Variants in HRH2 observed in about 807,000 individuals in gnomAD.
HRH2 encodes histamine H2 receptor.
A neutral mutation model predicts 20.1 loss-of-function variants in HRH2; 4 were observed. The ratio of observed to expected loss-of-function variants is 0.20; its 90% CI spans 0.10 to 0.45. The LOEUF is 0.45. Ranked by LOEUF, HRH2 falls within the 20% of genes least tolerant of loss-of-function variation. The probability of loss-of-function intolerance (pLI) is 0.99; values close to 1 mark genes in which losing one functional copy is unlikely to be tolerated. For missense variants in HRH2, 250 were observed against 461.6 expected (o/e 0.54, Z 4.20); for synonymous variants, 197 against 200.7 (o/e 0.98, Z 0.16).
At chr5:175,685,576 G>A (rs1162930570) in intron 2 of HRH2, 1 of 1,131,970 alleles carries the variant, frequency 8.8e-7, no homozygotes, top group Non-Finnish European at 1.3e-6. Context: ...TGGTGATGAA[G>A]TTACAGAAAA....
intron 1 of HRH2, among the ~76,000 whole-genome samples, chr5:175,668,944 A>G (rs1458275843): frequency 3.3e-5 from 5 of 152,218 alleles, no homozygotes; most frequent in Non-Finnish European, 7.3e-5. Flanking sequence ...ATGTCCACAA[A>G]GAATCAATCG....
In HRH2 at chr5:175,687,696, C is replaced by T. The variant is rs1328169808; in HGVS notation, c.1076+3387C>T. ...ACCCCTACTGTCCACCCCTCATCAC[C>T]TCTCCCCTGCCTCCTCTCAGATACC... On this transcript the variant is annotated intron_variant, in intron 2 of 2. Coordinates refer to ENST00000636584, the MANE Select transcript of HRH2 (RefSeq NM_001367711.1). The surrounding 1 kb of genome is among the most constrained non-coding windows in gnomAD (Gnocchi z 5.2). Among the ~76,000 whole-genome samples the T allele has an allele frequency of 6.6e-6, 1 of 152,110 alleles. No individual in the cohort carries two copies. Among genetic ancestry groups the T allele is most frequent in the Non-Finnish European group, 1.5e-5 (1 of 68,006 alleles).
chr5:175,700,703 G>T (rs79076087), intron 2 of HRH2, among the ~76,000 whole-genome samples: 1 of 152,114 alleles, frequency 6.6e-6, no homozygotes, highest in African/African-American at 2.4e-5. Flanking sequence ...GACCAACATG[G>T]TGAAACCACG....
chr5:175,702,980 T>C (rs572277735), intron 2 of HRH2, among the ~76,000 whole-genome samples: 1 of 152,294 alleles, frequency 6.6e-6, no homozygotes, highest in South Asian at 2.1e-4. Context: ...TTCAAAAATA[T>C]GTAAAGTTGA....
intron 1 of HRH2, among the ~76,000 whole-genome samples, chr5:175,660,233 A>C (rs1194748727): frequency 6.6e-6 from 1 of 152,238 alleles, no homozygotes; most frequent in Non-Finnish European, 1.5e-5. Flanking sequence ...GTGTCCCAGC[A>C]GGCTAGAGAG....
At chr5:175,698,045 C>G (rs891568237) in intron 2 of HRH2, among the ~76,000 whole-genome samples, 2 of 152,266 alleles carry the variant, frequency 1.3e-5, no homozygotes, top group African/African-American at 4.8e-5. Flanking sequence ...CATGCACACT[C>G]AGGCACTGGA....
intron 2 of HRH2, among the ~76,000 whole-genome samples, chr5:175,688,737 C>T (rs1186905459): frequency 2.0e-5 from 3 of 152,156 alleles, no homozygotes; most frequent in Admixed American, 2.0e-4. Flanking sequence ...CAGTGCTAGC[C>T]CTACAGATAC....
intron 2 of HRH2, among the ~76,000 whole-genome samples, chr5:175,703,392 C>A (rs891692119): frequency 6.6e-6 from 1 of 152,102 alleles, no homozygotes; most frequent in South Asian, 2.1e-4. Context: ...GAAAATACTG[C>A]ACATCAAAGC....
chr5:175,700,096 GAACT>G lies in HRH2; in HGVS notation c.1077-7682_1077-7679del, dbSNP rs1227152002. ...ATGAGGAAGGCTCAGACAGAACGCG[GAACT>G]CCTGGTTCCGAATCTCACACCTCCT... On this transcript the variant is annotated intron_variant, in intron 2 of 2. Coordinates refer to ENST00000636584, the MANE Select transcript of HRH2 (RefSeq NM_001367711.1). Among the ~76,000 whole-genome samples the G allele has an allele frequency of 2.0e-5, 3 of 152,280 alleles. No homozygotes were observed. In the East Asian group the frequency reaches 5.8e-4, roughly 29 times the overall value.
chr5:175,690,360 C>G (rs926029173), intron 2 of HRH2, among the ~76,000 whole-genome samples: 3 of 152,208 alleles, frequency 2.0e-5, no homozygotes, highest in Non-Finnish European at 4.4e-5. Context: ...AAGTCACTCT[C>G]CAGTCTGAGC....
chr5:175,689,576 G>C (rs1219767109), intron 2 of HRH2, among the ~76,000 whole-genome samples: 1 of 152,230 alleles, frequency 6.6e-6, no homozygotes, highest in Non-Finnish European at 1.5e-5. Context: ...ACATCTGTAA[G>C]AGGGAAGTTC....
intron 2 of HRH2, among the ~76,000 whole-genome samples, chr5:175,701,157 G>T (rs10036740): frequency 6.6e-6 from 1 of 152,168 alleles, no homozygotes; most frequent in Admixed American, 6.5e-5. Context: ...TGAGGAAACC[G>T]AGGCTCAGAG....
chr5:175,666,620 A>G (rs57729840), intron 1 of HRH2, among the ~76,000 whole-genome samples: 11,236 of 152,062 alleles, frequency 0.074, 1,379 homozygotes, highest in African/African-American at 0.26. Flanking sequence ...TTGTAGAGAC[A>G]AGGTTTCACC....
chr5:175,687,915 T>G lies in HRH2; in HGVS notation c.1076+3606T>G, dbSNP rs973353603. Among the ~76,000 whole-genome samples, 1 of 152,178 alleles carries G rather than the reference T, an allele frequency of 6.6e-6. No homozygotes were observed. Among genetic ancestry groups the G allele is most frequent in the African/African-American group, 2.4e-5 (1 of 41,446 alleles). ...CCTAGTGGCCAAACACAACACACGTTATTCCGTTGCAGTTCAGGAGGCCAG... is the reference window on the plus strand; with the variant it reads ...CCTAGTGGCCAAACACAACACACGTGATTCCGTTGCAGTTCAGGAGGCCAG... On this transcript the variant is annotated intron_variant, in intron 2 of 2. Transcript: ENST00000636584. The surrounding 1 kb of genome is among the most constrained non-coding windows in gnomAD (Gnocchi z 5.2).
chr5:175,658,705 C>T (rs1762643838), intron 1 of HRH2, among the ~76,000 whole-genome samples: 1 of 150,906 alleles, frequency 6.6e-6, no homozygotes, highest in African/African-American at 2.5e-5. Context: ...GGGCTGCCGC[C>T]CGCTGCCGGA....
chr5:175,668,660 G>C (rs544287752), intron 1 of HRH2, among the ~76,000 whole-genome samples: 2 of 152,102 alleles, frequency 1.3e-5, no homozygotes, highest in Admixed American at 1.3e-4. Context: ...TGAGAGTCGC[G>C]GTGAGGGGCC....
chr5:175,664,521 A>T (rs759840594), intron 1 of HRH2, among the ~76,000 whole-genome samples: 1 of 152,150 alleles, frequency 6.6e-6, no homozygotes, highest in African/African-American at 2.4e-5. Context: ...GGCATTCAGG[A>T]TGATTAGGCT....
intron 1 of HRH2, among the ~76,000 whole-genome samples, chr5:175,660,723 G>A (rs73337493): frequency 0.015 from 2,322 of 152,272 alleles, 77 homozygotes; most frequent in African/African-American, 0.053. Context: ...TGGGTGCCAC[G>A]TATCTGAGTG....
chr5:175,706,358 T>C (rs1278804667), intron 2 of HRH2, among the ~76,000 whole-genome samples: 1 of 152,266 alleles, frequency 6.6e-6, no homozygotes, highest in Non-Finnish European at 1.5e-5. Context: ...AGAGGAAGAA[T>C]TGAGATGTTT....
Sources: gnomAD v4.1 joint callset for allele counts (sites outside exome capture counted in the v4.1 genomes callset) on GRCh38, gnomAD v4.1.1 for gene constraint, Gnocchi (gnomAD v3.1) non-coding constraint, MANE v1.5 for transcripts, NCBI Gene and HGNC (gene_info 2026-07-23, HGNC 2026-07-21) for gene names.